SLC8A1: variants seen among roughly 807,000 people sequenced by gnomAD.
SLC8A1 encodes the protein sodium/calcium exchanger 1.
SLC8A1 carries 18 observed loss-of-function variants against 68.3 expected under a neutral mutation model. That is an observed-to-expected ratio of 0.26 (90% confidence interval 0.18 to 0.39). The LOEUF (loss-of-function observed/expected upper bound fraction) is 0.39. SLC8A1 is among the 10% of genes least tolerant of loss of function. The pLI, the probability that SLC8A1 is intolerant of heterozygous loss-of-function variation, is 1.00. For synonymous variants in SLC8A1, 475 were observed against 415.5 expected, an observed-to-expected ratio of 1.14 and a Z score of -1.74; for missense variants, 985 against 1,156.7, an observed-to-expected ratio of 0.85 and a Z score of 2.15.
chr2:40,279,673 T>C (rs909879881), intron 2 of SLC8A1, among the ~76,000 whole-genome samples: 2 of 152,180 alleles, frequency 1.3e-5, no homozygotes, highest in African/African-American at 4.8e-5. Flanking sequence ...GGAAATCCTA[T>C]TTCAGTCCTT....
chr2:40,139,943 T>C (rs1240868342), intron 6 of SLC8A1, among the ~76,000 whole-genome samples: 1 of 152,200 alleles, frequency 6.6e-6, no homozygotes, highest in Non-Finnish European at 1.5e-5. Context: ...CAACACACCC[T>C]TTCTACTTTC....
intron 2 of SLC8A1, among the ~76,000 whole-genome samples, chr2:40,363,334 C>G (rs1356576932): frequency 1.4e-5 from 2 of 138,106 alleles, no homozygotes; most frequent in African/African-American, 6.2e-5. Flanking sequence ...AGAACCACTG[C>G]AGGGATGATG....
At chr2:40,098,193 T>C (rs1247386559) in exon 8 of SLC8A1, 2 of 152,074 alleles carry the variant, frequency 1.3e-5, no homozygotes, top group Non-Finnish European at 2.9e-5. Context: ...AGATTGATAT[T>C]TCCCCACAGG....
At chr2:40,312,255 CTTCT>C (rs1317192892) in intron 2 of SLC8A1, among the ~76,000 whole-genome samples, 4 of 152,070 alleles carry the variant, frequency 2.6e-5, no homozygotes, top group African/African-American at 7.2e-5. Flanking sequence ...TTTGAATCAC[CTTCT>C]TTGTTTATTC....
intron 2 of SLC8A1, among the ~76,000 whole-genome samples, chr2:40,230,768 A>C (rs1033997089): frequency 9.2e-5 from 14 of 152,162 alleles, no homozygotes; most frequent in Admixed American, 7.9e-4. Flanking sequence ...CAAAAAATAA[A>C]TGTACTTTCA....
chr2:40,492,582 C>T (rs1341310021), intron 1 of SLC8A1, among the ~76,000 whole-genome samples: 1 of 150,380 alleles, frequency 6.6e-6, no homozygotes, highest in East Asian at 2.0e-4. Flanking sequence ...AGAAAATTTT[C>T]GCAACCTACT....
At chr2:40,305,049 T>A (rs2072308591) in intron 2 of SLC8A1, among the ~76,000 whole-genome samples, 1 of 152,190 alleles carries the variant, frequency 6.6e-6, no homozygotes, top group South Asian at 2.1e-4. Context: ...GGCTTCAAAT[T>A]CTGCATTTCT....
At chr2:40,468,167 T>C (rs1317555832) in intron 1 of SLC8A1, among the ~76,000 whole-genome samples, 1 of 152,136 alleles carries the variant, frequency 6.6e-6, no homozygotes, top group Non-Finnish European at 1.5e-5. Flanking sequence ...CATGGAAATG[T>C]TATTATTTCC....
chr2:40,127,683 A>G (rs1024313233), intron 7 of SLC8A1, among the ~76,000 whole-genome samples: 2 of 152,162 alleles, frequency 1.3e-5, no homozygotes, highest in African/African-American at 4.8e-5. Flanking sequence ...AGGATTTTTT[A>G]CAATGATGAC....
At chr2:40,384,811 T>C (rs1382469863) in intron 2 of SLC8A1, among the ~76,000 whole-genome samples, 1 of 152,088 alleles carries the variant, frequency 6.6e-6, no homozygotes, top group Non-Finnish European at 1.5e-5. Flanking sequence ...TACAATTTTT[T>C]CCCGGCATTT....
intron 2 of SLC8A1, among the ~76,000 whole-genome samples, chr2:40,320,448 G>A (rs1242450799): frequency 6.6e-6 from 1 of 152,104 alleles, no homozygotes; most frequent in Non-Finnish European, 1.5e-5. Flanking sequence ...CTTTTAATGA[G>A]TTGTGTGTGT....
At chr2:40,476,866 T>C (rs1262354942) in intron 1 of SLC8A1, among the ~76,000 whole-genome samples, 2 of 152,228 alleles carry the variant, frequency 1.3e-5, no homozygotes, top group East Asian at 1.9e-4. Flanking sequence ...ATTTTTCTGA[T>C]ACAATCAACT....
chr2:40,170,205 T>G (rs2047219825), intron 4 of SLC8A1, 76 bp downstream of exon 7: 1 of 1,300,342 alleles, frequency 7.7e-7, no homozygotes, highest in Admixed American at 1.7e-5. Context: ...GGGGCTAAAA[T>G]GCATGACTGT....
At chr2:40,423,707 A>C (rs866585876) in intron 2 of SLC8A1, among the ~76,000 whole-genome samples, 5 of 152,070 alleles carry the variant, frequency 3.3e-5, no homozygotes, top group Admixed American at 6.6e-5. Flanking sequence ...CAAATATGGC[A>C]ATCTGGTTGA....
intron 4 of SLC8A1, 74 bp downstream of exon 6, chr2:40,174,632 A>T (rs565509998): frequency 9.2e-6 from 12 of 1,303,638 alleles, no homozygotes; most frequent in Non-Finnish European, 1.2e-5. Flanking sequence ...TGCAAGTTAC[A>T]TAAGATGTAG....
chr2:40,172,680 C>A (rs774873514), intron 4 of SLC8A1, among the ~76,000 whole-genome samples: 1 of 152,102 alleles, frequency 6.6e-6, no homozygotes, highest in African/African-American at 2.4e-5. Context: ...CGGTGGCTCA[C>A]GCCTGTAATC....
intron 2 of SLC8A1, among the ~76,000 whole-genome samples, chr2:40,325,211 C>G (rs1177502249): frequency 6.6e-6 from 1 of 152,128 alleles, no homozygotes; most frequent in Non-Finnish European, 1.5e-5. Context: ...TGTGAGGCTT[C>G]AGATTGATGC....
At chr2:40,510,908 T>G (rs981938683) in intron 1 of SLC8A1, among the ~76,000 whole-genome samples, 1 of 152,204 alleles carries the variant, frequency 6.6e-6, no homozygotes, top group African/African-American at 2.4e-5. Flanking sequence ...TTCCTCTTTC[T>G]CTGCCACTTT....
chr2:40,237,901 C>T (rs909448054), intron 2 of SLC8A1, among the ~76,000 whole-genome samples: 1 of 151,498 alleles, frequency 6.6e-6, no homozygotes, highest in African/African-American at 2.4e-5. Context: ...GGGGGTGCCT[C>T]CCAGTTAGGC....
Sources: allele counts gnomAD v4.1 joint callset (sites outside exome capture counted in the v4.1 genomes callset), GRCh38; gene constraint gnomAD v4.1.1; transcripts MANE v1.5; gene names NCBI Gene and HGNC (gene_info 2026-07-23, HGNC 2026-07-21).